The following NELL2 variants were observed in gnomAD, a reference collection of about 807,000 sequenced individuals.
NELL2 encodes the protein neural EGFL like 2, also known as protein kinase C-binding protein NELL2.
In NELL2, 41 loss-of-function variants were observed where a neutral mutation model predicts 109.6. The observed-to-expected ratio is 0.37, with a 90% CI of 0.29 to 0.49. The LOEUF (loss-of-function observed/expected upper bound fraction) is 0.49, where lower values mean the gene tolerates loss of function less well. NELL2 is among the 20% of genes least tolerant of loss of function. The probability of loss-of-function intolerance (pLI) is 0.98; values close to 1 mark genes in which losing one functional copy is unlikely to be tolerated. For synonymous variants in NELL2, 355 were observed against 344.7 expected (o/e 1.03, Z -0.33); for missense variants, 900 against 1,008.3 (o/e 0.89, Z 1.45).
chr12:44,841,891 T>A (rs1045386887), intron 2 of NELL2, among the ~76,000 whole-genome samples: 67 of 151,518 alleles, frequency 4.4e-4, no homozygotes, highest in African/African-American at 1.6e-3. Context: ...CCTTAACACA[T>A]CCTAAACCAA....
At chr12:44,509,266 T>C (rs980179915) in intron 19 of NELL2, among the ~76,000 whole-genome samples, 5 of 152,204 alleles carry the variant, frequency 3.3e-5, no homozygotes, top group East Asian at 1.9e-4. Context: ...TAAGTCTATG[T>C]AAGCACTAAG....
intron 13 of NELL2, among the ~76,000 whole-genome samples, chr12:44,655,954 G>A (rs370822730): frequency 1.3e-5 from 2 of 152,184 alleles, no homozygotes; most frequent in African/African-American, 2.4e-5. Flanking sequence ...TTGCAATGCT[G>A]ATTTCAGGAA....
At chr12:44,576,541 C>G (rs1459092691) in intron 15 of NELL2, among the ~76,000 whole-genome samples, 1 of 146,494 alleles carries the variant, frequency 6.8e-6, no homozygotes, top group Non-Finnish European at 1.5e-5. Flanking sequence ...CCTACCTTCT[C>G]TTTTTTTTTT....
chr12:44,797,598 T>A (rs1266620164), intron 3 of NELL2, among the ~76,000 whole-genome samples: 1 of 151,716 alleles, frequency 6.6e-6, no homozygotes, highest in African/African-American at 2.4e-5. Context: ...TTTTCTGATA[T>A]AAAATAATAG....
chr12:44,671,217 G>A lies in NELL2; in HGVS notation c.1319-5608C>T, dbSNP rs192039766. 6.3e-3 allele frequency among the ~76,000 whole-genome samples: 960 copies of A among 152,016 alleles called. 6 individuals are homozygous for A. Among genetic ancestry groups the A allele is most frequent in the Non-Finnish European group, 0.011 (767 of 67,962 alleles). ...ACTGGGCCAATATAGAAATTACGAA[G>A]ACAATAAAAAGTTCTCTCTAAGCAA... On this transcript the variant is annotated intron_variant, in intron 12 of 19. Transcript: ENST00000429094.
At chr12:44,609,156 G>T (rs578161924) in intron 14 of NELL2, among the ~76,000 whole-genome samples, 19 of 151,778 alleles carry the variant, frequency 1.3e-4, no homozygotes, top group African/African-American at 4.6e-4. Flanking sequence ...TGGAGATGTT[G>T]CCCAATCTGG....
At chr12:44,555,064 G>T (rs1943193620) in intron 15 of NELL2, among the ~76,000 whole-genome samples, 1 of 152,224 alleles carries the variant, frequency 6.6e-6, no homozygotes, top group Non-Finnish European at 1.5e-5. Flanking sequence ...CAGTCATGGA[G>T]TCATTCTTCG....
At chr12:44,515,394 C>T (rs1941216588) in intron 19 of NELL2, among the ~76,000 whole-genome samples, 2 of 151,766 alleles carry the variant, frequency 1.3e-5, no homozygotes, top group Non-Finnish European at 3.0e-5. Flanking sequence ...ATGGTCAATT[C>T]AACAGAAGAT....
chr12:44,574,297 C>T (rs1296358080), intron 15 of NELL2, among the ~76,000 whole-genome samples: 3 of 151,754 alleles, frequency 2.0e-5, no homozygotes, highest in Non-Finnish European at 4.4e-5. Context: ...TATATGTTCA[C>T]CATCTGAAAA....
chr12:44,598,525 C>A (rs1462186171), intron 15 of NELL2, among the ~76,000 whole-genome samples: 4 of 152,142 alleles, frequency 2.6e-5, no homozygotes, highest in African/African-American at 9.7e-5. Flanking sequence ...CAAAGTTCAT[C>A]ACTCTTAGGA....
At chr12:44,775,952 T>A in intron 8 of NELL2, 70 bp downstream of exon 8, 1 of 1,545,310 alleles carries the variant, frequency 6.5e-7, no homozygotes, top group Non-Finnish European at 8.7e-7. Context: ...ATGATTACAT[T>A]GTTTTAATAA....
At position 44,805,791 on chromosome 12, in the gene NELL2, T is replaced by C. The variant is rs1399620206; in HGVS notation, c.335+10195A>G. On this transcript the variant is annotated intron_variant, in intron 3 of 19. Transcript: ENST00000429094. The stretch of plus-strand genomic sequence containing the variant: ...ATGTAGTATTAATTGCAATACCAAA[T>C]ATTGTGCTGAGATAATCATTCCCTC... Among the ~76,000 whole-genome samples the C allele has an allele frequency of 2.6e-5, 4 of 151,822 alleles. No individual in the cohort carries two copies. In the East Asian group the frequency reaches 7.7e-4, roughly 29 times the overall value.
chr12:44,530,219 G>A (rs138552718), intron 16 of NELL2, among the ~76,000 whole-genome samples: 1 of 152,304 alleles, frequency 6.6e-6, no homozygotes, highest in East Asian at 1.9e-4. Context: ...GCGAGTACGG[G>A]TCGTGGTGGA....
At chr12:44,913,567 T>G (rs987853356) in intron 1 of NELL2, among the ~76,000 whole-genome samples, 3 of 152,136 alleles carry the variant, frequency 2.0e-5, no homozygotes, top group African/African-American at 7.2e-5. Flanking sequence ...GAGGTCAAGG[T>G]AGGATTCAGC....
At chr12:44,786,878 G>T (rs953601366) in intron 3 of NELL2, among the ~76,000 whole-genome samples, 1 of 152,012 alleles carries the variant, frequency 6.6e-6, no homozygotes, top group Non-Finnish European at 1.5e-5. Flanking sequence ...GCCTGTCATG[G>T]GGTGGGGGCA....
intron 10 of NELL2, 73 bp from the exon 11 acceptor site, chr12:44,711,467 T>C: frequency 3.1e-6 from 4 of 1,296,016 alleles, no homozygotes; most frequent in Non-Finnish European, 4.4e-6. Flanking sequence ...AGATCCAGCA[T>C]CTGAGAAGAC....
At chr12:44,696,765 C>A (rs1292503077) in intron 12 of NELL2, among the ~76,000 whole-genome samples, 2 of 152,134 alleles carry the variant, frequency 1.3e-5, no homozygotes, top group African/African-American at 4.8e-5. Flanking sequence ...TTCAGCATAT[C>A]TAAGCATTTC....
chr12:44,565,001 T>C (rs1943601968), intron 15 of NELL2, among the ~76,000 whole-genome samples: 1 of 152,138 alleles, frequency 6.6e-6, no homozygotes, highest in African/African-American at 2.4e-5. Context: ...CCTCTGAGGA[T>C]GCCTTACAAA....
chr12:44,902,585 G>C (rs146584149), intron 1 of NELL2, among the ~76,000 whole-genome samples: 1 of 152,044 alleles, frequency 6.6e-6, no homozygotes, highest in African/African-American at 2.4e-5. Flanking sequence ...AAAAGAGCCC[G>C]TATAGCCAAG....
Sources: allele counts gnomAD v4.1 joint callset (sites outside exome capture counted in the v4.1 genomes callset), GRCh38; gene constraint gnomAD v4.1.1; transcripts MANE v1.5; gene names NCBI Gene and HGNC (gene_info 2026-07-23, HGNC 2026-07-21).